Variants in CCNF observed in about 807,000 individuals in gnomAD.
CCNF encodes cyclin-F.
In CCNF, 30 loss-of-function variants were observed where a neutral mutation model predicts 85.4. The ratio of observed to expected loss-of-function variants is 0.35; its 90% CI spans 0.26 to 0.48. The LOEUF (loss-of-function observed/expected upper bound fraction) is 0.48. Among genes scored for constraint, CCNF ranks in the 20% least tolerant of loss-of-function variants. CCNF has a pLI of 0.99. For missense variants in CCNF, 919 were observed against 1,010.4 expected (o/e 0.91, Z 1.23); for synonymous variants, 439 against 425.1 (o/e 1.03, Z -0.40).
intron 6 of CCNF, 53 bp downstream of exon 6, chr16:2,438,176 C>T (rs375261111): frequency 2.0e-5 from 26 of 1,300,954 alleles, no homozygotes; most frequent in African/African-American, 4.3e-5. Context: ...CATCCCTAGC[C>T]GAGATCCTGG....
At chr16:2,435,754 A>G in intron 3 of CCNF, 52 bp from the exon 4 acceptor site, 2 of 1,366,786 alleles carry the variant, frequency 1.5e-6, no homozygotes, top group African/African-American at 2.8e-5. Flanking sequence ...GTAGTAGTTC[A>G]TAACGTTTGT....
chr16:2,430,675 G>A (rs2065257930), intron 1 of CCNF, among the ~76,000 whole-genome samples: 1 of 152,094 alleles, frequency 6.6e-6, no homozygotes, highest in African/African-American at 2.4e-5. Flanking sequence ...TTGAAAACCA[G>A]ACTCTTCAAG....
rs1373692030 is a variant in CCNF, at chr16:2,457,692, C to T, written c.*672C>T. 6.6e-6 allele frequency: 1 copy of T among 152,260 alleles called. No homozygotes were observed. The highest frequency in any genetic ancestry group is 1.5e-5 in the Non-Finnish European group (1 of 68,056). 9.4% of individuals were successfully genotyped at this position (152,260 alleles called of 1,614,324 possible). A position where few individuals can be genotyped will look rare whatever the true frequency, so the allele number is the denominator to read the frequency against. ...AGATGGCGTCAATGTGAACACCTCT[C>T]TTTGTGCTGAATTTCTGGGCCATTC... On this transcript the variant is annotated 3_prime_UTR_variant, in exon 17 of 17. Transcript: ENST00000397066.
chr16:2,439,118 T>C (rs1012139752), intron 6 of CCNF, among the ~76,000 whole-genome samples: 20 of 150,454 alleles, frequency 1.3e-4, no homozygotes, highest in Non-Finnish European at 1.3e-4. Flanking sequence ...GCCAACATGG[T>C]GAAACCCCGT....
At chr16:2,430,877 G>C (rs2065258833) in intron 1 of CCNF, 14 of 634,916 alleles carry the variant, frequency 2.2e-5, no homozygotes, top group South Asian at 6.0e-5. Flanking sequence ...CAAGTTACAT[G>C]ACATGCGCTA....
Position 2,445,325 on chromosome 16 carries a change from T to C in CCNF, c.930-133T>C, listed in dbSNP as rs985132645. On this transcript the variant is annotated intron_variant, in intron 9 of 16. Transcript: ENST00000397066. Reference sequence around the variant, plus strand: ...TCCTGTGACATGGCCTCTCCAGCCTTGGTTCCAGGGTAAACCCATGATTCC... The same window carrying C: ...TCCTGTGACATGGCCTCTCCAGCCTCGGTTCCAGGGTAAACCCATGATTCC... 4 of 1,054,320 alleles carry C rather than the reference T, an allele frequency of 3.8e-6. No individual in the cohort carries two copies. The African/African-American group carries it at 6.3e-5, about 17-fold the overall frequency. The allele number at this position is 1,054,320 out of a possible 1,614,324, so 65.3% of individuals were successfully genotyped here.
chr16:2,438,061 T>A lies in CCNF; in HGVS notation c.541-9T>A. On this transcript the variant is annotated splice_polypyrimidine_tract_variant and intron_variant, in intron 5 of 16. Coordinates refer to ENST00000397066, the MANE Select transcript of CCNF (RefSeq NM_001761.3). ...CTGGAAATCACACTTCTTTCTCCTT[T>A]TTTTAAAGACTCACAAAGCATCCAT... 6.2e-7 allele frequency: 1 copy of A among 1,606,076 alleles called. No individual in the cohort carries two copies. Among genetic ancestry groups the A allele is most frequent in the Non-Finnish European group, 8.5e-7 (1 of 1,172,740 alleles).
chr16:2,435,920 G>C, intron 4 of CCNF, 47 bp downstream of exon 4: 1 of 1,414,996 alleles, frequency 7.1e-7, no homozygotes, highest in South Asian at 1.2e-5. Context: ...ATAAGTGTGA[G>C]CCTTTGGCCC....
chr16:2,443,918 A>C, intron 9 of CCNF, 118 bp downstream of exon 9: 1 of 838,660 alleles, frequency 1.2e-6, no homozygotes, highest in Non-Finnish European at 1.7e-6. Context: ...GAGTTCCCTT[A>C]TCACCCTTTT....
intron 10 of CCNF, among the ~76,000 whole-genome samples, chr16:2,446,173 T>A (rs1482596175): frequency 6.6e-6 from 1 of 151,962 alleles, no homozygotes; most frequent in African/African-American, 2.4e-5. Flanking sequence ...ATCCAGGCAA[T>A]TCATCCTGGC....
At chr16:2,438,502 G>A (rs1199622854) in intron 6 of CCNF, among the ~76,000 whole-genome samples, 1 of 152,082 alleles carries the variant, frequency 6.6e-6, no homozygotes, top group African/African-American at 2.4e-5. Flanking sequence ...TTAGCTGGGC[G>A]TGGTGGCGGG....
intron 1 of CCNF, among the ~76,000 whole-genome samples, chr16:2,430,614 C>T (rs1480249033): frequency 6.6e-6 from 1 of 152,156 alleles, no homozygotes; most frequent in Non-Finnish European, 1.5e-5. Flanking sequence ...CACACTGCCC[C>T]GGCCTCCAAG....
At chr16:2,439,564 G>A in intron 7 of CCNF, 107 bp downstream of exon 7, 2 of 949,754 alleles carry the variant, frequency 2.1e-6, no homozygotes, top group Non-Finnish European at 3.3e-6. Flanking sequence ...GGCTCTTGCT[G>A]CTCCCGGTCT....
intron 10 of CCNF, among the ~76,000 whole-genome samples, chr16:2,447,839 C>T (rs1290037722): frequency 1.3e-5 from 2 of 152,192 alleles, no homozygotes; most frequent in African/African-American, 2.4e-5. Context: ...TCACACCCCA[C>T]GCTGGGCTCT....
At chr16:2,443,058 T>C (rs1394835234) in intron 8 of CCNF, among the ~76,000 whole-genome samples, 1 of 115,264 alleles carries the variant, frequency 8.7e-6, no homozygotes, top group Non-Finnish European at 1.6e-5. Flanking sequence ...TGTTATAATA[T>C]CTATAATATA....
At chr16:2,438,215 A>G in intron 6 of CCNF, 92 bp downstream of exon 6, 1 of 952,786 alleles carries the variant, frequency 1.0e-6, no homozygotes, top group Non-Finnish European at 1.7e-6. Flanking sequence ...GGGGGTGTCC[A>G]AGGCCCAAAA....
Position 2,453,395 on chromosome 16 carries a change from C to T in CCNF, c.1588-15C>T. On this transcript the variant is annotated splice_polypyrimidine_tract_variant and intron_variant, in intron 14 of 16. Coordinates refer to ENST00000397066, the MANE Select transcript of CCNF (RefSeq NM_001761.3). The surrounding 1 kb of genome is among the most constrained non-coding windows in gnomAD (Gnocchi z 5.6). ...CTCGGGGCCTCTGCACCCCCTAACT[C>T]TAGCTTCCCCTCAGGTGCTGAGCTA... is the stretch of plus-strand genomic sequence containing the variant. 6.2e-7 allele frequency: 1 copy of T among 1,613,872 alleles called. No individual in the cohort carries two copies. Among genetic ancestry groups the T allele is most frequent in the African/African-American group, 1.3e-5 (1 of 75,018 alleles).
At chr16:2,445,731 T>G (rs1419626026) in intron 10 of CCNF, 109 bp downstream of exon 10, 1 of 1,032,740 alleles carries the variant, frequency 9.7e-7, no homozygotes, top group Non-Finnish European at 1.4e-6. Flanking sequence ...TTTGTGTTGT[T>G]TTTTTTTTTT....
At chr16:2,435,666 C>CATATAT (rs71148135) in intron 3 of CCNF, 140 bp from the exon 4 acceptor site, 400 of 42,412 alleles carry the variant, frequency 9.4e-3, no homozygotes, top group East Asian at 0.031. Flanking sequence ...CACACACACA[C>CATATAT]ATATATATAT....
Sources: gnomAD v4.1 joint callset for allele counts (sites outside exome capture counted in the v4.1 genomes callset) on GRCh38, gnomAD v4.1.1 for gene constraint, Gnocchi (gnomAD v3.1) non-coding constraint, MANE v1.5 for transcripts, NCBI Gene and HGNC (gene_info 2026-07-23, HGNC 2026-07-21) for gene names.